SIPA1L3: variants seen among roughly 807,000 people sequenced by gnomAD.
The protein encoded by SIPA1L3 is signal induced proliferation associated 1 like 3, also known as signal-induced proliferation-associated 1-like protein 3.
A neutral mutation model predicts 150.1 loss-of-function variants in SIPA1L3; 59 were observed. The ratio of observed to expected loss-of-function variants is 0.39; its 90% CI spans 0.32 to 0.49. The LOEUF (loss-of-function observed/expected upper bound fraction) is 0.49. Ranked by LOEUF, SIPA1L3 falls within the 20% of genes least tolerant of loss-of-function variation. The pLI, the probability that SIPA1L3 is intolerant of heterozygous loss-of-function variation, is 0.86. For missense variants in SIPA1L3, 2,211 were observed against 2,489.5 expected, an observed-to-expected ratio of 0.89 and a Z score of 2.38; for synonymous variants, 1,070 against 1,077.6, an observed-to-expected ratio of 0.99 and a Z score of 0.14.
intron 1 of SIPA1L3, among the ~76,000 whole-genome samples, chr19:37,984,711 C>T (rs1967299728): frequency 6.6e-6 from 1 of 152,158 alleles, no homozygotes; most frequent in African/African-American, 2.4e-5. Flanking sequence ...TAAATGTTAG[C>T]TGCGTTACTG....
chr19:38,205,416 C>G (rs997447594), intron 21 of SIPA1L3, among the ~76,000 whole-genome samples: 2 of 148,616 alleles, frequency 1.3e-5, no homozygotes, highest in Admixed American at 6.7e-5. Context: ...GAGATCATGC[C>G]TCTGCACTCC....
chr19:38,025,458 C>T (rs1968487503), intron 1 of SIPA1L3, among the ~76,000 whole-genome samples: 1 of 152,190 alleles, frequency 6.6e-6, no homozygotes, highest in African/African-American at 2.4e-5. Context: ...GCCGTTTCCA[C>T]GGCCCTTTGG....
chr19:38,152,792 A>T, intron 12 of SIPA1L3, 48 bp from the exon 13 acceptor site: 1 of 1,564,444 alleles, frequency 6.4e-7, no homozygotes, highest in East Asian at 2.3e-5. Flanking sequence ...GTGGTTTTCG[A>T]CATAGGCTGA....
rs1273270695 is a variant in SIPA1L3, at chr19:38,206,241, G to C, written c.*1G>C. On this transcript the variant is annotated 3_prime_UTR_variant, in exon 22 of 22. Transcript: ENST00000222345. ...CTGCAGGGAGAAGAAGGAGCTCTGA[G>C]GTGGGAGGCCGCCGCCCGCCTTCGC... The C allele has an allele frequency of 6.5e-7, 1 of 1,549,734 alleles. No individual in the cohort carries two copies. Among genetic ancestry groups the C allele is most frequent in the Non-Finnish European group, 8.7e-7 (1 of 1,144,354 alleles).
chr19:37,932,774 CT>C (rs200460132), intron 1 of SIPA1L3: 1,861 of 152,402 alleles, frequency 0.012, 12 homozygotes, highest in Middle Eastern at 0.02. Context: ...AGACAGTTAG[CT>C]TTTTTTGTTT....
Position 38,083,292 on chromosome 19 carries a change from A to G in SIPA1L3, c.1534+193A>G, listed in dbSNP as rs575490058. 1.4e-4 allele frequency among the ~76,000 whole-genome samples: 22 copies of G among 152,286 alleles called. No individual in the cohort carries two copies. In the South Asian group the frequency reaches 3.3e-3, roughly 23 times the overall value. ...CCCGGGCCTCAGCCCTGTGTCTGAC[A>G]CAGCAGCACTCCATAAACCTTGAGC... On this transcript the variant is annotated intron_variant, in intron 3 of 21. Coordinates refer to ENST00000222345, the MANE Select transcript of SIPA1L3 (RefSeq NM_015073.3).
In SIPA1L3 at chr19:38,095,445, G is replaced by A. The variant is rs572926869; in HGVS notation, c.1666-4517G>A. On this transcript the variant is annotated intron_variant, in intron 4 of 21. Coordinates refer to ENST00000222345, the MANE Select transcript of SIPA1L3 (RefSeq NM_015073.3). ...CCTGCCGCCCAGCACAGAGTCAAGC[G>A]GGGAGTACGTCTGAGTCAGGAGTGA... Among the ~76,000 whole-genome samples, 6 of 152,298 alleles carry A rather than the reference G, an allele frequency of 3.9e-5. No homozygotes were observed. In the South Asian group the frequency reaches 8.3e-4, roughly 21 times the overall value.
intron 1 of SIPA1L3, among the ~76,000 whole-genome samples, chr19:38,012,421 A>G (rs939607812): frequency 2.0e-5 from 3 of 152,046 alleles, no homozygotes; most frequent in African/African-American, 7.2e-5. Flanking sequence ...GGTGGAGGGA[A>G]GCATCTAAGT....
chr19:38,082,165 C>T lies in SIPA1L3; in HGVS notation c.600C>T (p.Arg200=), dbSNP rs766428011. ...ACACGGGGGCGCTGCCCCTCTTCCGCGAGTACGGGAGCACCTCGTCCATCG... is the reference window on the plus strand; with the variant it reads ...ACACGGGGGCGCTGCCCCTCTTCCGTGAGTACGGGAGCACCTCGTCCATCG... ...ARHTGALPLF[R]EYGSTSSIDV... is the part of the protein sequence containing the mutation. Residue 200 remains arginine (R), a synonymous_variant, in exon 3 of 22, where the codon CGC becomes CGT. Transcript: ENST00000222345. 5.6e-6 allele frequency: 9 copies of T among 1,605,298 alleles called. No homozygotes were observed. Among genetic ancestry groups the T allele is most frequent in the Middle Eastern group, 1.7e-4 (1 of 6,060 alleles).
intron 11 of SIPA1L3, 112 bp downstream of exon 11, chr19:38,141,547 T>C: frequency 8.6e-7 from 1 of 1,165,980 alleles, no homozygotes; most frequent in Non-Finnish European, 1.2e-6. Flanking sequence ...CCTCAAGCTT[T>C]CGACCTTCCT....
intron 1 of SIPA1L3, among the ~76,000 whole-genome samples, chr19:38,000,294 C>T (rs1210869779): frequency 6.6e-6 from 1 of 151,830 alleles, no homozygotes; most frequent in Non-Finnish European, 1.5e-5. Flanking sequence ...TGGTGAAACC[C>T]TGTCTCTACT....
At chr19:38,053,950 T>C (rs980481451) in intron 2 of SIPA1L3, among the ~76,000 whole-genome samples, 3 of 151,110 alleles carry the variant, frequency 2.0e-5, no homozygotes, top group Non-Finnish European at 4.4e-5. Flanking sequence ...CAATTACTTT[T>C]GCACCAACCA....
In SIPA1L3 at chr19:38,083,037, A is replaced by C. The variant is rs776745763; in HGVS notation, c.1472A>C (p.Gln491Pro). Residue 491 changes from glutamine to proline, a missense_variant, in exon 3 of 22, where the codon CAG (glutamine) becomes CCG (proline). This residue lies in a region of SIPA1L3 where 625 missense variants were observed against 804.2 expected (regional missense o/e 0.78). Coordinates refer to ENST00000222345, the MANE Select transcript of SIPA1L3 (RefSeq NM_015073.3). The stretch of plus-strand genomic sequence containing the variant: ...CAGCGGACGCAGAGTCGGCCCCGGC[A>C]GTACAGCATCGAGCATGTGGACCTG... ...EQQRTQSRPR[Q>P]YSIEHVDLGA... 6.2e-6 allele frequency: 10 copies of C among 1,613,014 alleles called. No individual in the cohort carries two copies.
intron 16 of SIPA1L3, among the ~76,000 whole-genome samples, chr19:38,183,915 C>G (rs1284239672): frequency 6.6e-6 from 1 of 152,148 alleles, no homozygotes. Context: ...TTAATCCTCC[C>G]AGAGGTCGCC....
intron 16 of SIPA1L3, among the ~76,000 whole-genome samples, chr19:38,183,842 G>A (rs1972617870): frequency 6.6e-6 from 1 of 152,046 alleles, no homozygotes; most frequent in Non-Finnish European, 1.5e-5. Flanking sequence ...AGGAGAGGCG[G>A]AGCTCGGGCG....
rs1292463655 is a variant in SIPA1L3, at chr19:38,046,527, G to A, written c.-311+17371G>A. ...TGGAAAGAGGCAGGGTGGCCGGGGA[G>A]GGGAGTTTCCAGATTACCTGTGTCT... On this transcript the variant is annotated intron_variant, in intron 2 of 21. Transcript: ENST00000222345. The surrounding 1 kb of genome is among the most constrained non-coding windows in gnomAD (Gnocchi z 5.6). 6.6e-6 allele frequency among the ~76,000 whole-genome samples: 1 copy of A among 152,188 alleles called. No individual in the cohort carries two copies. Among genetic ancestry groups the A allele is most frequent in the Non-Finnish European group, 1.5e-5 (1 of 68,032 alleles).
Position 38,095,835 on chromosome 19 carries a change from G to A in SIPA1L3, c.1666-4127G>A, listed in dbSNP as rs1654364. Among the ~76,000 whole-genome samples the A allele has an allele frequency of 8.0e-3, 1,215 of 152,278 alleles. 13 individuals are homozygous for A. The highest frequency in any genetic ancestry group is 0.028 in the African/African-American group (1,159 of 41,554). On this transcript the variant is annotated intron_variant, in intron 4 of 21. Coordinates refer to ENST00000222345, the MANE Select transcript of SIPA1L3 (RefSeq NM_015073.3). Reference sequence around the variant, plus strand: ...GCCAAAATGTGACTGTAAGTCACCCGTCTCCAGGGAGGAAGAAGGAAGATT... The same window carrying A: ...GCCAAAATGTGACTGTAAGTCACCCATCTCCAGGGAGGAAGAAGGAAGATT...
Position 38,082,393 on chromosome 19 carries a change from C to T in SIPA1L3, c.828C>T (p.Pro276=), listed in dbSNP as rs1970013687. 6.3e-7 allele frequency: 1 copy of T among 1,598,934 alleles called. No homozygotes were observed. The highest frequency in any genetic ancestry group is 1.3e-5 in the African/African-American group (1 of 75,010). Residue 276 remains proline, a synonymous_variant, in exon 3 of 22, where the codon CCC becomes CCT. Transcript: ENST00000222345. The part of the protein sequence containing the change: ...PAKDSLLPLQ[P]TKEKEKARKK... Reference sequence around the variant, plus strand: ...AGGACAGCCTCCTGCCACTGCAGCCCACGAAGGAGAAGGAGAAGGCCCGGA... The same window carrying T: ...AGGACAGCCTCCTGCCACTGCAGCCTACGAAGGAGAAGGAGAAGGCCCGGA...
intron 6 of SIPA1L3, among the ~76,000 whole-genome samples, chr19:38,104,707 G>A (rs1355283911): frequency 2.0e-5 from 3 of 152,068 alleles, no homozygotes; most frequent in South Asian, 2.1e-4. Context: ...GAATAGCTAG[G>A]ATTACAAGCA....
Sources: allele counts gnomAD v4.1 joint callset (sites outside exome capture counted in the v4.1 genomes callset), GRCh38; gene constraint gnomAD v4.1.1; regional missense constraint gnomAD v4.1.1; non-coding constraint Gnocchi (gnomAD v3.1); transcripts MANE v1.5; gene names NCBI Gene and HGNC (gene_info 2026-07-23, HGNC 2026-07-21).